PTPRQ: variants seen among roughly 807,000 people sequenced by gnomAD.
PTPRQ encodes the protein protein tyrosine phosphatase receptor type Q.
A neutral mutation model predicts 246.0 loss-of-function variants in PTPRQ; 199 were observed. That is an observed-to-expected ratio of 0.81 (90% CI 0.72 to 0.91). The LOEUF is 0.91. Among genes scored for constraint, PTPRQ ranks in the 40% least tolerant of loss-of-function variants. PTPRQ has a pLI of 0.00. For synonymous variants in PTPRQ, 869 were observed against 853.2 expected, an observed-to-expected ratio of 1.02 and a Z score of -0.32; for missense variants, 2,624 against 2,528.4, an observed-to-expected ratio of 1.04 and a Z score of -0.81.
rs1435542101 is a variant in PTPRQ at position 80,546,581 on chromosome 12, C to G, written c.3899C>G (p.Ala1300Gly). Residue 1300 changes from alanine (A) to glycine (G), a missense_variant, in exon 24 of 45, where the codon GCC becomes GGC. By Grantham distance (60) the Ala-to-Gly change is moderately conservative (BLOSUM62 0). Coordinates refer to ENST00000644991, the MANE Select transcript of PTPRQ (RefSeq NM_001145026.2). Reference protein sequence around the residue: ...YKNISGFKTEAKLVGLEPVST... With the variant: ...YKNISGFKTEGKLVGLEPVST... The stretch of plus-strand genomic sequence containing the variant: ...AATATATCAGGATTTAAAACTGAAG[C>G]CAAACTTGTTGGACTGGAACCAGTC... 2.6e-6 allele frequency: 4 copies of G among 1,548,462 alleles called. No individual in the cohort carries two copies. Among genetic ancestry groups the G allele is most frequent in the Non-Finnish European group, 3.5e-6 (4 of 1,146,196 alleles).
chr12:80,466,523 A>G (rs1446615412), intron 6 of PTPRQ, among the ~76,000 whole-genome samples: 2 of 152,310 alleles, frequency 1.3e-5, no homozygotes, highest in Middle Eastern at 3.4e-3. Context: ...GTTCATATGG[A>G]ACCAAAAAGG....
At position 80,663,593 on chromosome 12, in the gene PTPRQ, G is replaced by T. The variant is rs187874160; in HGVS notation, c.6193-5414G>T. On this transcript the variant is annotated intron_variant, in intron 39 of 44. Transcript: ENST00000644991. ...AAGTCACTTTCTCTTGTTTCTTAAA[G>T]ATTTCACTCCGGGATCACTGCTTCT... Among the ~76,000 whole-genome samples, 253 of 151,996 alleles carry T rather than the reference G, an allele frequency of 1.7e-3. 3 individuals are homozygous for T. The highest frequency in any genetic ancestry group is 6.9e-4 in the Non-Finnish European group (47 of 67,904).
chr12:80,513,730 T>G (rs937515038), intron 17 of PTPRQ, among the ~76,000 whole-genome samples: 3 of 152,148 alleles, frequency 2.0e-5, no homozygotes, highest in South Asian at 2.1e-4. Flanking sequence ...TATGGAATCA[T>G]TCTGGCACAA....
intron 14 of PTPRQ, 109 bp from the exon 15 acceptor site, chr12:80,505,915 C>G: frequency 8.4e-7 from 1 of 1,186,274 alleles, no homozygotes; most frequent in Non-Finnish European, 1.1e-6. Flanking sequence ...CGATTACATT[C>G]TAGTGAAGGT....
chr12:80,477,644 C>T (rs1246572715), intron 8 of PTPRQ, among the ~76,000 whole-genome samples: 1 of 152,148 alleles, frequency 6.6e-6, no homozygotes, highest in African/African-American at 2.4e-5. Flanking sequence ...TAGGGCCAGA[C>T]AGTGGGCGCA....
At position 80,613,828 on chromosome 12, in the gene PTPRQ, A is replaced by G. The variant is rs190805076; in HGVS notation, c.5155A>G (p.Asn1719Asp). ...LEGLKGGHTY[N>D]ISVYAVNSAG... is the part of the protein sequence containing the mutation. ...AGGACTAAAAGGTGGACATACATAC[A>G]ATATCAGTGTAAGAATCCGTAGCTT... is the stretch of plus-strand genomic sequence containing the variant. The change falls in exon 29 of 45, where the codon AAT becomes GAT. Residue 1719 changes from asparagine (N) to aspartate (D), a missense_variant. Transcript: ENST00000644991. 3 of 1,525,634 alleles carry G rather than the reference A, an allele frequency of 2.0e-6. No individual in the cohort carries two copies. The highest frequency in any genetic ancestry group is 2.5e-5 in the East Asian group (1 of 40,014). The allele number at this position is 1,525,634 out of a possible 1,614,324, so 94.5% of individuals were successfully genotyped here.
At position 80,588,152 on chromosome 12, in the gene PTPRQ, G is replaced by T. The variant is rs955533454; in HGVS notation, c.4309G>T (p.Ala1437Ser). Residue 1437 changes from alanine (A) to serine (S), a missense_variant, in exon 26 of 45, where the codon GCT becomes TCT. Physicochemically the swap from Ala to Ser is moderately conservative, Grantham distance 99. Coordinates refer to ENST00000644991, the MANE Select transcript of PTPRQ (RefSeq NM_001145026.2). ...AGTTCCCAGTGTTCCCACAAATATTGCTTTTTCTGATGTTCAGTCAACTAG... is the reference window on the plus strand; with the variant it reads ...AGTTCCCAGTGTTCCCACAAATATTTCTTTTTCTGATGTTCAGTCAACTAG... ...ETVPSVPTNI[A>S]FSDVQSTSAT... 6 of 1,525,712 alleles carry T rather than the reference G, an allele frequency of 3.9e-6. No individual in the cohort carries two copies. Among genetic ancestry groups the T allele is most frequent in the African/African-American group, 2.8e-5 (2 of 72,022 alleles). The allele number at this position is 1,525,712 out of a possible 1,614,324, so 94.5% of individuals were successfully genotyped here.
At chr12:80,544,122 C>T (rs1416382017) in intron 23 of PTPRQ, among the ~76,000 whole-genome samples, 1 of 152,056 alleles carries the variant, frequency 6.6e-6, no homozygotes, top group African/African-American at 2.4e-5. Flanking sequence ...GCTCTGACTC[C>T]AAATTACCTG....
At chr12:80,485,157 T>C (rs963911282) in intron 9 of PTPRQ, among the ~76,000 whole-genome samples, 2 of 152,194 alleles carry the variant, frequency 1.3e-5, no homozygotes, top group Non-Finnish European at 2.9e-5. Context: ...CCAGGATCTT[T>C]AGGCAATGTG....
At chr12:80,469,630 T>C (rs1893560667) in intron 7 of PTPRQ, among the ~76,000 whole-genome samples, 1 of 152,198 alleles carries the variant, frequency 6.6e-6, no homozygotes, top group South Asian at 2.1e-4. Context: ...GCAATTTCTG[T>C]GGTATGAATC....
chr12:80,631,464 G>A (rs1899432983), intron 33 of PTPRQ, among the ~76,000 whole-genome samples: 2 of 151,874 alleles, frequency 1.3e-5, no homozygotes, highest in South Asian at 4.2e-4. Context: ...TATAAGGCTT[G>A]AATTCTTCCC....
chr12:80,552,597 T>C (rs1896507894), intron 25 of PTPRQ, among the ~76,000 whole-genome samples: 1 of 134,906 alleles, frequency 7.4e-6, no homozygotes, highest in South Asian at 2.4e-4. Flanking sequence ...GTGCACCTGA[T>C]GTAGAGCCAC....
At chr12:80,678,902 T>C (rs1288298467) in intron 44 of PTPRQ, 84 bp from the exon 45 acceptor site, 1 of 1,473,746 alleles carries the variant, frequency 6.8e-7, no homozygotes, top group Non-Finnish European at 9.0e-7. Context: ...CCTTTCTGTC[T>C]ACATTATATT....
chr12:80,469,117 A>G (rs923915857), intron 7 of PTPRQ, among the ~76,000 whole-genome samples: 51 of 152,214 alleles, frequency 3.4e-4, no homozygotes, highest in African/African-American at 1.1e-3. Context: ...GTGGAGATAT[A>G]CATCTTCAAA....
At chr12:80,468,658 G>T in intron 6 of PTPRQ, 52 bp from the exon 7 acceptor site, 1 of 1,448,614 alleles carries the variant, frequency 6.9e-7, no homozygotes, top group Non-Finnish European at 9.1e-7. Flanking sequence ...TTAATAGGGT[G>T]CGCTTTCATT....
rs74623359 is a variant in PTPRQ, at chr12:80,644,948, T to C, written c.5916-3949T>C. On this transcript the variant is annotated intron_variant, in intron 35 of 44. Coordinates refer to ENST00000644991, the MANE Select transcript of PTPRQ (RefSeq NM_001145026.2). ...AATGTACCTCAAAATGTCTTCTCAA[T>C]TTGAGCATTCCTAATAGGTATTTGA... Among the ~76,000 whole-genome samples, 77 of 152,178 alleles carry C rather than the reference T, an allele frequency of 5.1e-4. 1 individual carries two copies. The East Asian group carries it at 8.1e-3, about 16-fold the overall frequency.
intron 25 of PTPRQ, among the ~76,000 whole-genome samples, chr12:80,582,857 C>CAAAACAAAAACA (rs544734524): frequency 1.3e-5 from 2 of 151,988 alleles, no homozygotes; most frequent in Admixed American, 6.5e-5. Flanking sequence ...CTTGTCAAAA[C>CAAAACAAAAACA]AAAACAAAAA....
chr12:80,472,123 G>C lies in PTPRQ; in HGVS notation c.1058G>C (p.Ser353Thr). ...YGPSGRILDN[S>T]TKDLKFAFTN... ...TTTGCAGGTCGCATTTTGGATAACA[G>C]CACAAAAGACCTCAAGTTTGCATTC... Residue 353 changes from serine to threonine, a missense_variant, in exon 8 of 45, where the codon AGC becomes ACC. Coordinates refer to ENST00000644991, the MANE Select transcript of PTPRQ (RefSeq NM_001145026.2). The C allele has an allele frequency of 6.4e-7, 1 of 1,551,170 alleles. No individual in the cohort carries two copies. The highest frequency in any genetic ancestry group is 8.7e-7 in the Non-Finnish European group (1 of 1,146,862).
intron 35 of PTPRQ, among the ~76,000 whole-genome samples, chr12:80,642,931 A>AAAAAAAAAC (rs1899930162): frequency 3.5e-5 from 4 of 114,994 alleles, no homozygotes; most frequent in African/African-American, 2.1e-4. Flanking sequence ...AAAAAAAAAA[A>AAAAAAAAAC]AAAAAAAAAA....
Sources: gnomAD v4.1 joint callset for allele counts (sites outside exome capture counted in the v4.1 genomes callset) on GRCh38, gnomAD v4.1.1 for gene constraint, MANE v1.5 for transcripts, NCBI Gene and HGNC (gene_info 2026-07-23, HGNC 2026-07-21) for gene names.